Variants in PTH2R observed in about 807,000 individuals in gnomAD.
PTH2R encodes the protein PTH2 receptor.
Under a neutral mutation model 60.3 loss-of-function variants are expected in PTH2R, and 59 were observed. The ratio of observed to expected loss-of-function variants is 0.98; its 90% CI spans 0.79 to 1.22. PTH2R has a LOEUF of 1.22. PTH2R is among the 50% of genes most tolerant of loss of function. The pLI is 0.00. For missense variants in PTH2R, 749 were observed against 682.6 expected (o/e 1.10, Z -1.08); for synonymous variants, 256 against 243.8 (o/e 1.05, Z -0.47).
Position 208,434,172 on chromosome 2 carries a change from G to A in PTH2R, c.179-3365G>A, listed in dbSNP as rs1407099565. ...CTACTAAAAATACAAAAATTAGCTG[G>A]GTGTGGTGGCGGGTGCCTGTAGTCC... On this transcript the variant is annotated intron_variant, in intron 2 of 12. Coordinates refer to ENST00000272847, the MANE Select transcript of PTH2R (RefSeq NM_005048.4). Among the ~76,000 whole-genome samples, 3 of 152,064 alleles carry A rather than the reference G, an allele frequency of 2.0e-5. No individual in the cohort carries two copies. The South Asian group carries it at 6.2e-4, about 32-fold the overall frequency.
At chr2:208,442,605 C>A (rs1702208993) in intron 5 of PTH2R, 144 bp downstream of exon 5, 2 of 665,780 alleles carry the variant, frequency 3.0e-6, no homozygotes, top group Admixed American at 5.7e-5. Context: ...TGTTATTTGA[C>A]AATTAATTTT....
At chr2:208,389,404 A>G (rs899144701) in intron 1 of PTH2R, among the ~76,000 whole-genome samples, 10 of 152,154 alleles carry the variant, frequency 6.6e-5, no homozygotes, top group African/African-American at 2.4e-4. Flanking sequence ...AACTCGATCA[A>G]TTGTGGATTA....
chr2:208,401,570 C>T (rs1227083462), intron 1 of PTH2R, among the ~76,000 whole-genome samples: 1 of 151,754 alleles, frequency 6.6e-6, no homozygotes, highest in Non-Finnish European at 1.5e-5. Context: ...TAAACTTAAT[C>T]CTTTTCCTCC....
chr2:208,376,004 T>G (rs1700785331), intron 1 of PTH2R, among the ~76,000 whole-genome samples: 1 of 152,118 alleles, frequency 6.6e-6, no homozygotes, highest in Non-Finnish European at 1.5e-5. Flanking sequence ...TTTCAGACTT[T>G]CCTTTCTTTC....
At chr2:208,400,806 A>T (rs1042155835) in intron 1 of PTH2R, among the ~76,000 whole-genome samples, 1 of 152,194 alleles carries the variant, frequency 6.6e-6, no homozygotes, top group African/African-American at 2.4e-5. Context: ...ATTTATGTGC[A>T]TTATATTCAA....
chr2:208,439,836 A>G (rs1232359569), intron 4 of PTH2R, among the ~76,000 whole-genome samples: 1 of 152,160 alleles, frequency 6.6e-6, no homozygotes, highest in Non-Finnish European at 1.5e-5. Context: ...AAAAACTTCA[A>G]AGGAATAATA....
intron 2 of PTH2R, among the ~76,000 whole-genome samples, chr2:208,431,513 T>C (rs753395841): frequency 2.0e-5 from 3 of 152,240 alleles, no homozygotes; most frequent in Non-Finnish European, 4.4e-5. Flanking sequence ...AGATGAATTA[T>C]TGACCTAAGT....
At chr2:208,468,639 T>C (rs1702809735) in intron 9 of PTH2R, among the ~76,000 whole-genome samples, 1 of 152,238 alleles carries the variant, frequency 6.6e-6, no homozygotes. Context: ...GGAATGTGCT[T>C]CCTTCTGTGC....
chr2:208,382,496 G>A (rs987510281), intron 1 of PTH2R, among the ~76,000 whole-genome samples: 4 of 151,202 alleles, frequency 2.6e-5, no homozygotes, highest in South Asian at 2.1e-4. Context: ...TAATAATAGC[G>A]TCCTGGTCTG....
At chr2:208,481,295 T>TGCAACCTC (rs61511423) in intron 10 of PTH2R, 131 bp downstream of exon 10, 408,423 of 536,122 alleles carry the variant, frequency 0.76, 158,701 homozygotes, top group African/African-American at 0.85. Context: ...CTCGGCTCAC[T>TGCAACCTC]CGCCTCCCGG....
rs148581773 is a variant in PTH2R, at chr2:208,407,570, T to G, written c.75+452T>G. 8.3e-3 allele frequency among the ~76,000 whole-genome samples: 1,271 copies of G among 152,372 alleles called. 10 individuals carry two copies. Among genetic ancestry groups the G allele is most frequent in the Non-Finnish European group, 0.013 (893 of 68,036 alleles). On this transcript the variant is annotated intron_variant, in intron 1 of 12. Transcript: ENST00000272847. ...CACTATCTGAAAGAATAATTGGCTG[T>G]CTGTGATACAGAATCACATACATTC...
At chr2:208,398,010 T>C (rs1372236270) in intron 1 of PTH2R, among the ~76,000 whole-genome samples, 1 of 152,256 alleles carries the variant, frequency 6.6e-6, no homozygotes, top group East Asian at 1.9e-4. Context: ...AATAATTTTT[T>C]AATAACTCCT....
At chr2:208,484,138 GGCATCT>G (rs1465284210) in intron 10 of PTH2R, among the ~76,000 whole-genome samples, 1 of 152,144 alleles carries the variant, frequency 6.6e-6, no homozygotes, top group African/African-American at 2.4e-5. Context: ...TCCAAATGGT[GGCATCT>G]AAAACAGTTA....
At chr2:208,430,705 T>A (rs1701953993) in intron 2 of PTH2R, among the ~76,000 whole-genome samples, 1 of 151,964 alleles carries the variant, frequency 6.6e-6, no homozygotes, top group South Asian at 2.1e-4. Flanking sequence ...TGCCACCACA[T>A]CCGGCTAATT....
At chr2:208,474,661 C>T (rs747458053) in intron 9 of PTH2R, among the ~76,000 whole-genome samples, 7 of 152,178 alleles carry the variant, frequency 4.6e-5, no homozygotes, top group Non-Finnish European at 8.8e-5. Context: ...AGTGGACTCA[C>T]ATGTCATGCT....
At chr2:208,397,030 A>G (rs1258349020) in intron 1 of PTH2R, among the ~76,000 whole-genome samples, 4 of 152,140 alleles carry the variant, frequency 2.6e-5, no homozygotes, top group Non-Finnish European at 4.4e-5. Flanking sequence ...GCTGGAAACC[A>G]TCATTCTCAG....
At chr2:208,395,616 G>T (rs974535567) in intron 1 of PTH2R, among the ~76,000 whole-genome samples, 1 of 152,166 alleles carries the variant, frequency 6.6e-6, no homozygotes, top group Non-Finnish European at 1.5e-5. Flanking sequence ...CAGAGAAAGA[G>T]TATGAGACCG....
intron 10 of PTH2R, among the ~76,000 whole-genome samples, chr2:208,485,148 A>G (rs1275918882): frequency 1.3e-5 from 2 of 152,244 alleles, no homozygotes; most frequent in African/African-American, 4.8e-5. Flanking sequence ...CTTAAGAGCA[A>G]TAGTAATTTT....
chr2:208,473,396 A>C (rs1437163469), intron 9 of PTH2R, among the ~76,000 whole-genome samples: 2 of 152,242 alleles, frequency 1.3e-5, no homozygotes, highest in Non-Finnish European at 2.9e-5. Context: ...AGTAGGCAAT[A>C]GTAGGTAAAT....
Sources: gnomAD v4.1 joint callset for allele counts (sites outside exome capture counted in the v4.1 genomes callset) on GRCh38, gnomAD v4.1.1 for gene constraint, MANE v1.5 for transcripts, NCBI Gene and HGNC (gene_info 2026-07-23, HGNC 2026-07-21) for gene names.